Variants in SPAG9 observed in about 807,000 individuals in gnomAD.
The protein encoded by SPAG9 is C-Jun-amino-terminal kinase-interacting protein 4.
In SPAG9, 35 loss-of-function variants were observed where a neutral mutation model predicts 166.5. The ratio of observed to expected loss-of-function variants is 0.21; its 90% CI spans 0.16 to 0.28. The LOEUF is 0.28. SPAG9 is among the 10% of genes least tolerant of loss of function. SPAG9 has a pLI of 1.00. For synonymous variants in SPAG9, 534 were observed against 565.5 expected, an observed-to-expected ratio of 0.94 and a Z score of 0.79; for missense variants, 1,235 against 1,603.3, an observed-to-expected ratio of 0.77 and a Z score of 3.92.
At chr17:51,069,470 A>T (rs2047760956) in intron 2 of SPAG9, among the ~76,000 whole-genome samples, 1 of 152,154 alleles carries the variant, frequency 6.6e-6, no homozygotes. Context: ...TCAAATATTA[A>T]CTTTGATATG....
At chr17:51,036,862 G>A (rs1375546635) in intron 5 of SPAG9, among the ~76,000 whole-genome samples, 2 of 152,178 alleles carry the variant, frequency 1.3e-5, no homozygotes, top group Admixed American at 6.5e-5. Context: ...GTGCAGAAAG[G>A]AAAGAGAAAG....
At chr17:51,075,559 T>A (rs2047946626) in intron 2 of SPAG9, among the ~76,000 whole-genome samples, 1 of 152,144 alleles carries the variant, frequency 6.6e-6, no homozygotes, top group Admixed American at 6.6e-5. Flanking sequence ...GCGCAGTGGC[T>A]TACACCTGTA....
rs181469800 is a variant in SPAG9, at chr17:51,023,945, C to T, written c.784-2580G>A. On this transcript the variant is annotated intron_variant, in intron 6 of 29. Coordinates refer to ENST00000262013, the MANE Select transcript of SPAG9 (RefSeq NM_001130528.3). Reference sequence around the variant, plus strand: ...CCTCCCAAAGTGCTGGGATTACAGGCGTGAGCCATTGCGCCCAGCCGATTT... The same window carrying T: ...CCTCCCAAAGTGCTGGGATTACAGGTGTGAGCCATTGCGCCCAGCCGATTT... 5.3e-3 allele frequency among the ~76,000 whole-genome samples: 802 copies of T among 152,264 alleles called. 5 individuals carry two copies. The highest frequency in any genetic ancestry group is 6.4e-3 in the Non-Finnish European group (434 of 68,020).
intron 3 of SPAG9, among the ~76,000 whole-genome samples, chr17:51,051,043 A>G (rs1023026073): frequency 6.7e-6 from 1 of 149,896 alleles, no homozygotes; most frequent in Non-Finnish European, 1.5e-5. Context: ...TAAAAAAAAA[A>G]CAAAAAGAAA....
intron 4 of SPAG9, 22 bp downstream of exon 4, chr17:51,047,353 C>T: frequency 7.5e-7 from 1 of 1,326,538 alleles, no homozygotes; most frequent in Non-Finnish European, 1.1e-6. Flanking sequence ...TTTCTCAAGG[C>T]AAAATATATA....
intron 9 of SPAG9, 42 bp downstream of exon 9, chr17:51,014,189 AT>A: frequency 6.5e-7 from 1 of 1,543,042 alleles, no homozygotes; most frequent in Non-Finnish European, 8.8e-7. Flanking sequence ...TAAAAAATCA[AT>A]TTTAAAAACA....
intron 13 of SPAG9, among the ~76,000 whole-genome samples, chr17:51,000,393 T>C (rs1050242499): frequency 1.3e-5 from 2 of 152,200 alleles, no homozygotes; most frequent in Non-Finnish European, 2.9e-5. Context: ...CTATTTCCTT[T>C]AATTTGTTGA....
At position 50,962,212 on chromosome 17, in the gene SPAG9, AAAGT is replaced by A. The variant is rs1973173540; in HGVS notation, c.*4056_*4059del. 6.6e-6 allele frequency: 1 copy of A among 152,242 alleles called. No homozygotes were observed. The highest frequency in any genetic ancestry group is 6.5e-5 in the Admixed American group (1 of 15,284). 9.4% of individuals were successfully genotyped at this position (152,242 alleles called of 1,614,324 possible). Reference sequence around the variant, plus strand: ...ACATATTTATATATATCTCATGTACAAAGTTACATTCTGAACCCCAGGGATTCCA... The same window carrying A: ...ACATATTTATATATATCTCATGTACATACATTCTGAACCCCAGGGATTCCA... On this transcript the variant is annotated 3_prime_UTR_variant, in exon 30 of 30. Coordinates refer to ENST00000262013, the MANE Select transcript of SPAG9 (RefSeq NM_001130528.3).
At chr17:51,010,966 G>A (rs1358570244) in intron 9 of SPAG9, among the ~76,000 whole-genome samples, 1 of 152,118 alleles carries the variant, frequency 6.6e-6, no homozygotes, top group Non-Finnish European at 1.5e-5. Context: ...CCTAGGACAG[G>A]AGCGCTGATA....
At position 51,120,792 on chromosome 17, in the gene SPAG9, C is replaced by CG. The variant is rs1257985740; in HGVS notation, c.-137dup. 24 of 628,498 alleles carry CG rather than the reference C, an allele frequency of 3.8e-5. No individual in the cohort carries two copies. The highest frequency in any genetic ancestry group is 5.8e-5 in the Non-Finnish European group (24 of 416,518). 38.9% of individuals were successfully genotyped at this position (628,498 alleles called of 1,614,324 possible). On this transcript the variant is annotated 5_prime_UTR_variant, in exon 1 of 30. Transcript: ENST00000262013. This position sits in a 1 kb window ranked among gnomAD's most constrained non-coding sequence, Gnocchi z 4.7. ...GGGCCGGGGCTGGGGCTGGGCCCGGCGGGGTGGGGGCCGGGGCCGGAGGAG... is the reference window on the plus strand; with the variant it reads ...GGGCCGGGGCTGGGGCTGGGCCCGGCGGGGGTGGGGGCCGGGGCCGGAGGAG...
intron 19 of SPAG9, among the ~76,000 whole-genome samples, chr17:50,991,904 G>T (rs1175400380): frequency 1.5e-5 from 2 of 135,016 alleles, no homozygotes; most frequent in East Asian, 2.3e-4. Context: ...GATTACAGGT[G>T]TAAGCCACCA....
At chr17:50,969,349 T>C (rs1973601796) in intron 29 of SPAG9, among the ~76,000 whole-genome samples, 1 of 152,102 alleles carries the variant, frequency 6.6e-6, no homozygotes, top group East Asian at 1.9e-4. Flanking sequence ...CAGACCTGCT[T>C]CTCCTGTTGA....
chr17:51,035,849 G>A (rs1568025729), intron 5 of SPAG9, among the ~76,000 whole-genome samples: 1 of 152,172 alleles, frequency 6.6e-6, no homozygotes, highest in African/African-American at 2.4e-5. Flanking sequence ...GCTCTTCAAA[G>A]AAAAAAATAC....
intron 22 of SPAG9, 32 bp from the exon 23 acceptor site, chr17:50,985,810 T>A: frequency 7.8e-7 from 1 of 1,274,454 alleles, no homozygotes; most frequent in Non-Finnish European, 1.1e-6. Context: ...TGGTAAGGCA[T>A]AGAGAACATC....
intron 27 of SPAG9, among the ~76,000 whole-genome samples, chr17:50,976,386 G>T (rs1383690586): frequency 6.6e-6 from 1 of 152,160 alleles, no homozygotes; most frequent in Non-Finnish European, 1.5e-5. Context: ...GAAAAGACAG[G>T]TGGGATTGAA....
At chr17:51,054,532 G>A (rs376323151) in intron 3 of SPAG9, among the ~76,000 whole-genome samples, 68 of 152,032 alleles carry the variant, frequency 4.5e-4, no homozygotes, top group Middle Eastern at 6.9e-3. Context: ...CGCCTCCTGG[G>A]TTCACACCAT....
chr17:51,025,256 T>C (rs926227448), intron 6 of SPAG9, among the ~76,000 whole-genome samples: 2 of 131,458 alleles, frequency 1.5e-5, no homozygotes, highest in Admixed American at 9.2e-5. Flanking sequence ...AGACGGAGGC[T>C]GCAGTGAGCC....
intron 2 of SPAG9, among the ~76,000 whole-genome samples, chr17:51,074,235 C>T (rs981794207): frequency 1.3e-5 from 2 of 151,276 alleles, no homozygotes; most frequent in Non-Finnish European, 2.9e-5. Context: ...GACTCCGTCT[C>T]AAAAAAATAA....
At chr17:51,070,662 A>G (rs1424075891) in intron 2 of SPAG9, among the ~76,000 whole-genome samples, 1 of 152,164 alleles carries the variant, frequency 6.6e-6, no homozygotes, top group African/African-American at 2.4e-5. Context: ...ACAATAGAGC[A>G]TAATATATTA....
Sources: gnomAD v4.1 joint callset for allele counts (sites outside exome capture counted in the v4.1 genomes callset) on GRCh38, gnomAD v4.1.1 for gene constraint, Gnocchi (gnomAD v3.1) non-coding constraint, MANE v1.5 for transcripts, NCBI Gene and HGNC (gene_info 2026-07-23, HGNC 2026-07-21) for gene names.